PDGFC: variants seen among roughly 807,000 people sequenced by gnomAD.
The protein encoded by PDGFC is platelet derived growth factor C, also known as platelet-derived growth factor C.
In PDGFC, 12 loss-of-function variants were observed where a neutral mutation model predicts 35.5. The ratio of observed to expected loss-of-function variants is 0.34; its 90% CI spans 0.22 to 0.55. The LOEUF (loss-of-function observed/expected upper bound fraction) is 0.55, where lower values mean the gene tolerates loss of function less well. Among genes scored for constraint, PDGFC ranks in the 20% least tolerant of loss-of-function variants. PDGFC has a pLI of 0.91. For missense variants in PDGFC, 322 were observed against 412.4 expected, an observed-to-expected ratio of 0.78 and a Z score of 1.90; for synonymous variants, 159 against 148.8, an observed-to-expected ratio of 1.07 and a Z score of -0.50.
At position 156,772,887 on chromosome 4, in the gene PDGFC, T is replaced by C. The variant is rs966748227; in HGVS notation, c.502A>G (p.Thr168Ala). ...AGCACTGAAGGACTCACAGCTTCTG[T>C]GAATTGCTGAAAGTAAAATGAATCC... The part of the protein sequence containing the change: ...IHYNIVMPQF[T>A]EAVSPSVLPP... The change falls in exon 4 of 6, where the codon ACA (threonine) becomes GCA (alanine). Residue 168 changes from threonine to alanine, a missense_variant. Thr to Ala is a moderately conservative substitution (Grantham distance 58). Around this residue, in one of 2 missense-constraint regions of PDGFC, gnomAD observed 202 missense variants for 295.9 expected, o/e 0.68. Coordinates refer to ENST00000502773, the MANE Select transcript of PDGFC (RefSeq NM_016205.3). 1.9e-6 allele frequency: 3 copies of C among 1,608,952 alleles called. No homozygotes were observed. The African/African-American group carries it at 4.0e-5, about 22-fold the overall frequency.
chr4:156,966,647 G>A (rs1359409382), intron 1 of PDGFC, among the ~76,000 whole-genome samples: 1 of 152,026 alleles, frequency 6.6e-6, no homozygotes, highest in African/African-American at 2.4e-5. Context: ...TAAGTTTCAG[G>A]AAGGGTGAAA....
intron 1 of PDGFC, among the ~76,000 whole-genome samples, chr4:156,878,488 G>A (rs934807681): frequency 1.3e-5 from 2 of 152,074 alleles, no homozygotes; most frequent in Non-Finnish European, 2.9e-5. Flanking sequence ...AAACACATAT[G>A]GCTTCCCAGT....
At chr4:156,902,223 AT>A (rs1730806275) in intron 1 of PDGFC, among the ~76,000 whole-genome samples, 1 of 152,178 alleles carries the variant, frequency 6.6e-6, no homozygotes, top group Non-Finnish European at 1.5e-5. Flanking sequence ...TATATTTGTG[AT>A]TTTTGTCATC....
At chr4:156,799,918 T>C (rs1244057262) in intron 3 of PDGFC, among the ~76,000 whole-genome samples, 2 of 152,154 alleles carry the variant, frequency 1.3e-5, no homozygotes, top group African/African-American at 4.8e-5. Flanking sequence ...TTCTAATTAG[T>C]TCACCATTTT....
intron 3 of PDGFC, among the ~76,000 whole-genome samples, chr4:156,785,973 C>A (rs1159445943): frequency 2.0e-5 from 3 of 152,146 alleles, no homozygotes; most frequent in Non-Finnish European, 2.9e-5. Context: ...GTGTACAATG[C>A]TCTGAAATCA....
chr4:156,885,606 T>C (rs342314), intron 1 of PDGFC, among the ~76,000 whole-genome samples: 68,431 of 151,962 alleles, frequency 0.45, 18,349 homozygotes, highest in African/African-American at 0.75. Context: ...AAGATTTAGG[T>C]CATGGCCAAG....
At chr4:156,876,470 C>T (rs1487966504) in intron 1 of PDGFC, 1 of 152,170 alleles carries the variant, frequency 6.6e-6, no homozygotes, top group Non-Finnish European at 1.5e-5. Flanking sequence ...TCTTCCAATA[C>T]ACTCTGAAAC....
chr4:156,871,047 T>C (rs1729970019), intron 1 of PDGFC, among the ~76,000 whole-genome samples: 1 of 152,052 alleles, frequency 6.6e-6, no homozygotes, highest in Non-Finnish European at 1.5e-5. Context: ...CAGGAGCTTT[T>C]TATATAGAGT....
At chr4:156,903,104 A>AGAGAGAGTGT (rs368483475) in intron 1 of PDGFC, among the ~76,000 whole-genome samples, 27 of 130,750 alleles carry the variant, frequency 2.1e-4, no homozygotes, top group East Asian at 9.0e-4. Context: ...AGAGAGAGAG[A>AGAGAGAGTGT]GTGTGTGTGT....
At chr4:156,769,250 C>T (rs144295314) in intron 4 of PDGFC, among the ~76,000 whole-genome samples, 9 of 151,020 alleles carry the variant, frequency 6.0e-5, no homozygotes, top group African/African-American at 1.9e-4. Flanking sequence ...GAAATAATCA[C>T]GATGTAATCC....
intron 1 of PDGFC, among the ~76,000 whole-genome samples, chr4:156,879,796 C>G (rs1730199603): frequency 6.6e-6 from 1 of 152,154 alleles, no homozygotes; most frequent in Non-Finnish European, 1.5e-5. Context: ...TTGTCAATTA[C>G]TTTTCTGATC....
intron 1 of PDGFC, among the ~76,000 whole-genome samples, chr4:156,964,239 A>T (rs952532399): frequency 6.6e-6 from 1 of 151,776 alleles, no homozygotes; most frequent in Non-Finnish European, 1.5e-5. Context: ...ATTCATCACC[A>T]TCACTGAATA....
rs59421806 is a variant in PDGFC, at chr4:156,826,174, A to AT, written c.315-15158dup. On this transcript the variant is annotated intron_variant, in intron 2 of 5. Coordinates refer to ENST00000502773, the MANE Select transcript of PDGFC (RefSeq NM_016205.3). ...GCCACCATATCCAGCTTTGAGTTGGATTTTTTTTTTTTTTTTTTTTTTTTT... is the reference window on the plus strand; with the variant it reads ...GCCACCATATCCAGCTTTGAGTTGGATTTTTTTTTTTTTTTTTTTTTTTTTT... 5.7e-3 allele frequency among the ~76,000 whole-genome samples: 249 copies of AT among 43,782 alleles called. 34 individuals carry two copies. Among genetic ancestry groups the AT allele is most frequent in the South Asian group, 0.012 (8 of 670 alleles). The allele number at this position is 43,782 out of a possible 152,430, so 28.7% of individuals were successfully genotyped here. A position where few individuals can be genotyped will look rare whatever the true frequency, so the allele number is the denominator to read the frequency against.
At chr4:156,871,879 G>A (rs1360906350) in intron 1 of PDGFC, among the ~76,000 whole-genome samples, 5 of 151,764 alleles carry the variant, frequency 3.3e-5, no homozygotes, top group African/African-American at 1.2e-4. Context: ...ACCTGAAGAT[G>A]TATTGACAGC....
chr4:156,834,645 G>T (rs531876365), intron 2 of PDGFC, among the ~76,000 whole-genome samples: 1 of 152,160 alleles, frequency 6.6e-6, no homozygotes, highest in East Asian at 1.9e-4. Flanking sequence ...TGCCATATGG[G>T]GAGACGATCT....
chr4:156,872,089 A>G (rs948117390), intron 1 of PDGFC, among the ~76,000 whole-genome samples: 1 of 152,222 alleles, frequency 6.6e-6, no homozygotes, highest in Non-Finnish European at 1.5e-5. Flanking sequence ...ATGGAAGACG[A>G]CTAAAACTCT....
intron 2 of PDGFC, among the ~76,000 whole-genome samples, chr4:156,838,581 A>G (rs954871936): frequency 2.6e-4 from 39 of 152,264 alleles, no homozygotes; most frequent in Non-Finnish European, 4.1e-4. Context: ...ACAGGCAGAG[A>G]AAAATCAACA....
intron 1 of PDGFC, among the ~76,000 whole-genome samples, chr4:156,966,214 G>T (rs1251418723): frequency 6.6e-6 from 1 of 152,118 alleles, no homozygotes; most frequent in South Asian, 2.1e-4. Flanking sequence ...ACAACATACA[G>T]ATTGTTTACA....
intron 5 of PDGFC, among the ~76,000 whole-genome samples, chr4:156,766,155 T>C (rs922215398): frequency 2.6e-5 from 4 of 152,096 alleles, no homozygotes; most frequent in Non-Finnish European, 5.9e-5. Flanking sequence ...AATTTTGAAA[T>C]AGTAAAAGTT....
Sources: gnomAD v4.1 joint callset for allele counts (sites outside exome capture counted in the v4.1 genomes callset) on GRCh38, gnomAD v4.1.1 for gene constraint, gnomAD v4.1.1 regional missense constraint, MANE v1.5 for transcripts, NCBI Gene and HGNC (gene_info 2026-07-23, HGNC 2026-07-21) for gene names.